The following CDH13 variants were observed in gnomAD, a reference collection of about 807,000 sequenced individuals.
CDH13 encodes cadherin 13.
CDH13 carries 24 observed loss-of-function variants against 63.8 expected under a neutral mutation model. That is an observed-to-expected ratio of 0.38 (90% CI 0.27 to 0.53). CDH13 has a LOEUF of 0.53. Among genes scored for constraint, CDH13 ranks in the 20% least tolerant of loss-of-function variants. CDH13 has a pLI of 0.85. For missense variants in CDH13, 1,049 were observed against 903.1 expected (o/e 1.16, Z -2.07); for synonymous variants, 503 against 355.3 (o/e 1.42, Z -4.67).
In CDH13 at chr16:82,749,889, A is replaced by G. The variant is rs1425245023; in HGVS notation, c.46-108473A>G. Among the ~76,000 whole-genome samples, 4 of 152,174 alleles carry G rather than the reference A, an allele frequency of 2.6e-5. No individual in the cohort carries two copies. In the East Asian group the frequency reaches 7.7e-4, roughly 29 times the overall value. ...GGTGTCAGTGATGTTATTTTTGCCA[A>G]TGACTGAATGAAAGAAAAAAATGTA... On this transcript the variant is annotated intron_variant, in intron 1 of 13. Transcript: ENST00000567109.
intron 5 of CDH13, among the ~76,000 whole-genome samples, chr16:83,279,245 T>A (rs11866427): frequency 0.22 from 33,844 of 152,110 alleles, 4,041 homozygotes; most frequent in Middle Eastern, 0.28. Context: ...TCATTGTAAG[T>A]CAGCTGTTTT....
intron 7 of CDH13, among the ~76,000 whole-genome samples, chr16:83,518,787 A>G (rs2074761296): frequency 6.6e-6 from 1 of 152,076 alleles, no homozygotes; most frequent in African/African-American, 2.4e-5. Flanking sequence ...ATGGTTTTAT[A>G]AAGGGCTTTT....
intron 6 of CDH13, among the ~76,000 whole-genome samples, chr16:83,485,424 A>G (rs774860346): frequency 1.3e-5 from 2 of 152,210 alleles, no homozygotes; most frequent in Non-Finnish European, 2.9e-5. Context: ...CATGCTTGTT[A>G]TAGAATCAGG....
chr16:82,877,662 T>C (rs569596276), intron 2 of CDH13, among the ~76,000 whole-genome samples: 68 of 152,282 alleles, frequency 4.5e-4, no homozygotes, highest in Non-Finnish European at 6.5e-4. Context: ...TCTCAAGTCT[T>C]TATGATGTGA....
chr16:83,438,571 T>G (rs1240025211), intron 6 of CDH13, among the ~76,000 whole-genome samples: 1 of 152,246 alleles, frequency 6.6e-6, no homozygotes, highest in Non-Finnish European at 1.5e-5. Flanking sequence ...AGTCATTCAT[T>G]AGTCATGTTT....
intron 6 of CDH13, among the ~76,000 whole-genome samples, chr16:83,346,595 G>T (rs1048438947): frequency 6.6e-6 from 1 of 152,118 alleles, no homozygotes; most frequent in African/African-American, 2.4e-5. Context: ...ACATGTCTTT[G>T]TATATTATGT....
At position 82,796,265 on chromosome 16, in the gene CDH13, T is replaced by A. The variant is rs543819196; in HGVS notation, c.46-62097T>A. Among the ~76,000 whole-genome samples, 127 of 152,252 alleles carry A rather than the reference T, an allele frequency of 8.3e-4. 3 individuals are homozygous for A. The highest frequency in any genetic ancestry group is 1.3e-3 in the Non-Finnish European group (90 of 68,006). ...ATTAGTCTCTACTGACCCCTATGGA[T>A]GTATGGAGGGAGTATGGGGTACCTG... On this transcript the variant is annotated intron_variant, in intron 1 of 13. Transcript: ENST00000567109.
chr16:83,052,625 C>G (rs1486487822), intron 3 of CDH13, among the ~76,000 whole-genome samples: 2 of 151,668 alleles, frequency 1.3e-5, no homozygotes, highest in African/African-American at 4.8e-5. Context: ...ACTAAAAATA[C>G]AAAAATTAGC....
intron 4 of CDH13, among the ~76,000 whole-genome samples, chr16:83,168,963 G>C (rs2037805836): frequency 6.6e-6 from 1 of 152,012 alleles, no homozygotes; most frequent in Non-Finnish European, 1.5e-5. Context: ...AAACAATTCT[G>C]TGAGGACCAT....
intron 5 of CDH13, among the ~76,000 whole-genome samples, chr16:83,324,428 A>G (rs74034143): frequency 0.09 from 13,660 of 152,112 alleles, 722 homozygotes; most frequent in Non-Finnish European, 0.12. Context: ...CTATCTCTAA[A>G]CAACCACCAG....
intron 1 of CDH13, among the ~76,000 whole-genome samples, chr16:82,720,004 C>G (rs77446350): frequency 0.018 from 2,704 of 152,242 alleles, 40 homozygotes; most frequent in Non-Finnish European, 0.027. Context: ...ATTCTTACGG[C>G]ACGTTCCTGG....
intron 6 of CDH13, among the ~76,000 whole-genome samples, chr16:83,408,516 G>A (rs977111193): frequency 6.6e-6 from 1 of 152,128 alleles, no homozygotes; most frequent in Non-Finnish European, 1.5e-5. Context: ...CAGTAAATAT[G>A]TGTGTATCTA....
chr16:82,713,813 AAAACAAAC>A (rs1243637697), intron 1 of CDH13, among the ~76,000 whole-genome samples: 10 of 148,912 alleles, frequency 6.7e-5, no homozygotes, highest in Admixed American at 4.0e-4. Flanking sequence ...TGTGAAAAAA[AAAACAAAC>A]AAAAAAAAAG....
intron 7 of CDH13, among the ~76,000 whole-genome samples, chr16:83,584,686 C>T (rs1905974744): frequency 6.6e-6 from 1 of 152,176 alleles, no homozygotes; most frequent in Non-Finnish European, 1.5e-5. Context: ...GATGCTGAGA[C>T]ACTGTATTAG....
At chr16:83,280,415 C>T (rs1399239092) in intron 5 of CDH13, among the ~76,000 whole-genome samples, 1 of 152,196 alleles carries the variant, frequency 6.6e-6, no homozygotes. Flanking sequence ...AATTCATTCA[C>T]ATCTTCAAGC....
intron 6 of CDH13, among the ~76,000 whole-genome samples, chr16:83,427,878 C>T (rs923302822): frequency 5.3e-5 from 8 of 152,180 alleles, no homozygotes; most frequent in Non-Finnish European, 8.8e-5. Flanking sequence ...CTTTCAGGGC[C>T]GTGAAGATGT....
intron 6 of CDH13, among the ~76,000 whole-genome samples, chr16:83,483,592 A>G (rs964405296): frequency 2.0e-5 from 3 of 152,088 alleles, no homozygotes; most frequent in African/African-American, 7.2e-5. Flanking sequence ...AATCCAATCA[A>G]TCGAGCATTC....
intron 8 of CDH13, among the ~76,000 whole-genome samples, chr16:83,611,075 T>A (rs954095901): frequency 1.3e-5 from 2 of 152,218 alleles, no homozygotes; most frequent in Non-Finnish European, 2.9e-5. Context: ...TTCCATCCAC[T>A]GGCTGTTGGG....
chr16:83,171,095 G>A lies in CDH13; in HGVS notation c.483+45594G>A, dbSNP rs187557658. 3.9e-4 allele frequency among the ~76,000 whole-genome samples: 59 copies of A among 152,118 alleles called. No individual in the cohort carries two copies. The East Asian group carries it at 8.9e-3, about 23-fold the overall frequency. ...TAAAGAGAAGAGGTTTAATTCGCTC[G>A]TGGTTCTGCAGGCTGTGCAGGAAGC... On this transcript the variant is annotated intron_variant, in intron 4 of 13. Coordinates refer to ENST00000567109, the MANE Select transcript of CDH13 (RefSeq NM_001257.5).
Sources: gnomAD v4.1 joint callset for allele counts (sites outside exome capture counted in the v4.1 genomes callset) on GRCh38, gnomAD v4.1.1 for gene constraint, MANE v1.5 for transcripts, NCBI Gene and HGNC (gene_info 2026-07-23, HGNC 2026-07-21) for gene names.